Variants in PRKN observed in about 807,000 individuals in gnomAD.
The protein encoded by PRKN is E3 ubiquitin-protein ligase parkin.
A neutral mutation model predicts 59.5 loss-of-function variants in PRKN; 56 were observed. The ratio of observed to expected loss-of-function variants is 0.94; its 90% CI spans 0.76 to 1.18. PRKN has a LOEUF of 1.18. Ranked by LOEUF, PRKN falls within the 50% of genes most tolerant of loss-of-function variation. PRKN has a pLI of 0.00. For missense variants in PRKN, 657 were observed against 596.4 expected, an observed-to-expected ratio of 1.10 and a Z score of -1.06; for synonymous variants, 250 against 222.1, an observed-to-expected ratio of 1.13 and a Z score of -1.12.
At chr6:162,193,318 G>T (rs189915664) in intron 4 of PRKN, among the ~76,000 whole-genome samples, 1 of 152,140 alleles carries the variant, frequency 6.6e-6, no homozygotes, top group African/African-American at 2.4e-5. Flanking sequence ...TAAAATTGCC[G>T]GCAGCTCAGC....
chr6:162,490,936 C>T (rs201914518), intron 1 of PRKN, among the ~76,000 whole-genome samples: 11 of 152,072 alleles, frequency 7.2e-5, no homozygotes, highest in East Asian at 3.9e-4. Context: ...AAGCTCGAGG[C>T]CACCCTGGCC....
chr6:161,405,433 C>T lies in PRKN; in HGVS notation c.1084-18556G>A, dbSNP rs1381823756. Among the ~76,000 whole-genome samples, 1 of 151,832 alleles carries T rather than the reference C, an allele frequency of 6.6e-6. No individual in the cohort carries two copies. Among genetic ancestry groups the T allele is most frequent in the Admixed American group, 6.6e-5 (1 of 15,228 alleles). ...TCTCTACCGAAAATGCACAAATTAG[C>T]CAGGCATGGTGGCACACATCTGTAA... On this transcript the variant is annotated intron_variant, in intron 9 of 11. Coordinates refer to ENST00000366898, the MANE Select transcript of PRKN (RefSeq NM_004562.3). The surrounding 1 kb of genome is among the most constrained non-coding windows in gnomAD (Gnocchi z 5.1).
At chr6:162,083,836 A>T (rs1779154940) in intron 4 of PRKN, among the ~76,000 whole-genome samples, 1 of 152,100 alleles carries the variant, frequency 6.6e-6, no homozygotes, top group African/African-American at 2.4e-5. Flanking sequence ...TCAACTAAAA[A>T]TACCTGCAGA....
chr6:161,434,371 G>A (rs570709259), intron 9 of PRKN, among the ~76,000 whole-genome samples: 2 of 152,232 alleles, frequency 1.3e-5, no homozygotes, highest in South Asian at 4.1e-4. Flanking sequence ...AACGTCTACG[G>A]TGCAGGGTGA....
chr6:161,584,367 G>A lies in PRKN; in HGVS notation c.872-14951C>T, dbSNP rs1321086548. Among the ~76,000 whole-genome samples, 2 of 152,006 alleles carry A rather than the reference G, an allele frequency of 1.3e-5. No homozygotes were observed. Among genetic ancestry groups the A allele is most frequent in the Non-Finnish European group, 2.9e-5 (2 of 68,028 alleles). ...CCCACATAATTGCTCTGAATATAAT[G>A]GTGCTGCAAAATCTGAAATTAAACA... On this transcript the variant is annotated intron_variant, in intron 7 of 11. Transcript: ENST00000366898. The surrounding 1 kb of genome is among the most constrained non-coding windows in gnomAD (Gnocchi z 4.8).
chr6:162,708,711 C>A lies in PRKN; in HGVS notation c.7+18951G>T, dbSNP rs145205601. On this transcript the variant is annotated intron_variant, in intron 1 of 11. Transcript: ENST00000366898. ...CACTGGCCTAACCCCATTCCAGGCA[C>A]CTTCAGAAATAACACTGCCTTTCTG... Among the ~76,000 whole-genome samples, 3 of 152,318 alleles carry A rather than the reference C, an allele frequency of 2.0e-5. No homozygotes were observed. The East Asian group carries it at 5.8e-4, about 29-fold the overall frequency.
chr6:162,034,783 T>G (rs1783776760), intron 5 of PRKN, among the ~76,000 whole-genome samples: 1 of 152,218 alleles, frequency 6.6e-6, no homozygotes, highest in Admixed American at 6.5e-5. Flanking sequence ...TCTAACTTTT[T>G]CAGTCAGGAA....
At chr6:162,588,090 A>G (rs1336860804) in intron 1 of PRKN, among the ~76,000 whole-genome samples, 1 of 150,504 alleles carries the variant, frequency 6.6e-6, no homozygotes. Context: ...GGCTCACTGC[A>G]ACCTCCGCTT....
intron 7 of PRKN, among the ~76,000 whole-genome samples, chr6:161,696,157 G>T (rs1356338292): frequency 6.6e-6 from 1 of 152,164 alleles, no homozygotes; most frequent in Non-Finnish European, 1.5e-5. Context: ...ATGACAATCA[G>T]TAGATAAAAA....
intron 1 of PRKN, among the ~76,000 whole-genome samples, chr6:162,502,441 A>T (rs1380553333): frequency 6.6e-6 from 1 of 152,164 alleles, no homozygotes; most frequent in African/African-American, 2.4e-5. Flanking sequence ...TACAGCTGTG[A>T]GCCACCTTGC....
At chr6:162,354,344 A>C (rs972361020) in intron 2 of PRKN, among the ~76,000 whole-genome samples, 2 of 152,150 alleles carry the variant, frequency 1.3e-5, no homozygotes, top group Non-Finnish European at 2.9e-5. Flanking sequence ...AGAAGACAAG[A>C]TGAGAATAAA....
chr6:161,993,943 C>A (rs1781743987), intron 5 of PRKN, among the ~76,000 whole-genome samples: 2 of 152,032 alleles, frequency 1.3e-5, no homozygotes, highest in Admixed American at 1.3e-4. Flanking sequence ...CTAATACAGC[C>A]CCTTACCTGA....
intron 4 of PRKN, among the ~76,000 whole-genome samples, chr6:162,200,468 T>G (rs1417512817): frequency 2.0e-5 from 3 of 152,164 alleles, no homozygotes; most frequent in Non-Finnish European, 2.9e-5. Flanking sequence ...GGCTCTCCAT[T>G]AAACTTTATT....
rs372247224 is a variant in PRKN at position 162,405,885 on chromosome 6, G to A, written c.171+37425C>T. On this transcript the variant is annotated intron_variant, in intron 2 of 11. Coordinates refer to ENST00000366898, the MANE Select transcript of PRKN (RefSeq NM_004562.3). The stretch of plus-strand genomic sequence containing the variant: ...AGACCTGGGAGAACATATAAACCAC[G>A]CAGTCTGTGGTATGGCGGCCCTAGC... 1.4e-4 allele frequency among the ~76,000 whole-genome samples: 21 copies of A among 152,180 alleles called. No individual in the cohort carries two copies. The East Asian group carries it at 3.5e-3, about 25-fold the overall frequency.
intron 9 of PRKN, among the ~76,000 whole-genome samples, chr6:161,532,166 CTATATATATATATA>C (rs200674940): frequency 1.4e-4 from 16 of 115,422 alleles, no homozygotes; most frequent in African/African-American, 5.3e-4. Context: ...CTCTCTCTCT[CTATATATATATATA>C]TATATATATA....
chr6:161,546,201 T>C lies in PRKN; in HGVS notation c.1083+2653A>G, dbSNP rs1470162860. Among the ~76,000 whole-genome samples the C allele has an allele frequency of 1.3e-5, 2 of 152,254 alleles. No individual in the cohort carries two copies. Among genetic ancestry groups the C allele is most frequent in the African/African-American group, 2.4e-5 (1 of 41,464 alleles). On this transcript the variant is annotated intron_variant, in intron 9 of 11. Coordinates refer to ENST00000366898, the MANE Select transcript of PRKN (RefSeq NM_004562.3). This position sits in a 1 kb window ranked among gnomAD's most constrained non-coding sequence, Gnocchi z 4.4. ...GCACTTAACTCTGTGCCAGGAACTA[T>C]TCTAAGTATTTTACACTTATTATCT... is the stretch of plus-strand genomic sequence containing the variant.
At chr6:162,351,690 A>G (rs1784633849) in intron 2 of PRKN, among the ~76,000 whole-genome samples, 2 of 152,242 alleles carry the variant, frequency 1.3e-5, no homozygotes, top group African/African-American at 4.8e-5. Context: ...ACTGTAGTAT[A>G]TATTTATGCA....
At chr6:162,018,197 T>C (rs1783001252) in intron 5 of PRKN, among the ~76,000 whole-genome samples, 1 of 152,086 alleles carries the variant, frequency 6.6e-6, no homozygotes, top group African/African-American at 2.4e-5. Context: ...CGGCTAATTT[T>C]TTGTGTTTTT....
chr6:162,430,173 C>CAAT (rs1554321780), intron 2 of PRKN, among the ~76,000 whole-genome samples: 3 of 150,856 alleles, frequency 2.0e-5, no homozygotes, highest in African/African-American at 7.4e-5. Context: ...ACGACGACGA[C>CAAT]GATGATGATG....
Sources: allele counts gnomAD v4.1 joint callset (sites outside exome capture counted in the v4.1 genomes callset), GRCh38; gene constraint gnomAD v4.1.1; non-coding constraint Gnocchi (gnomAD v3.1); transcripts MANE v1.5; gene names NCBI Gene and HGNC (gene_info 2026-07-23, HGNC 2026-07-21).